AFF3: variants seen among roughly 807,000 people sequenced by gnomAD.
AFF3 encodes the protein ALF transcription elongation factor 3, also known as AF4/FMR2 family member 3.
AFF3 carries 32 observed loss-of-function variants against 129.7 expected under a neutral mutation model. The observed-to-expected ratio is 0.25, with a 90% confidence interval of 0.19 to 0.33. The LOEUF (loss-of-function observed/expected upper bound fraction) is 0.33. Among genes scored for constraint, AFF3 ranks in the 10% least tolerant of loss-of-function variants. The pLI is 1.00. For synonymous variants in AFF3, 644 were observed against 635.4 expected (o/e 1.01, Z -0.20); for missense variants, 1,373 against 1,592.0 (o/e 0.86, Z 2.34).
intron 7 of AFF3, among the ~76,000 whole-genome samples, chr2:99,948,882 G>C (rs1675890919): frequency 6.6e-6 from 1 of 152,216 alleles, no homozygotes; most frequent in Admixed American, 6.5e-5. Context: ...GGAAAGAAAT[G>C]CGTGAAAACC....
intron 4 of AFF3, among the ~76,000 whole-genome samples, chr2:100,054,860 T>C (rs1686636218): frequency 6.6e-6 from 1 of 152,146 alleles, no homozygotes; most frequent in Non-Finnish European, 1.5e-5. Flanking sequence ...CTAAGGGCAG[T>C]GGAGGTCAGC....
intron 8 of AFF3, among the ~76,000 whole-genome samples, chr2:99,761,736 T>C (rs1217269234): frequency 6.6e-6 from 1 of 152,206 alleles, no homozygotes; most frequent in Non-Finnish European, 1.5e-5. Flanking sequence ...TTAAAACAAG[T>C]GAGGAGAAAA....
chr2:99,869,558 A>T (rs1691707641), intron 7 of AFF3, among the ~76,000 whole-genome samples: 1 of 152,178 alleles, frequency 6.6e-6, no homozygotes, highest in Non-Finnish European at 1.5e-5. Flanking sequence ...CAGGACTTTG[A>T]CTGATAAGTA....
intron 10 of AFF3, among the ~76,000 whole-genome samples, chr2:99,732,569 G>C (rs1210966266): frequency 1.3e-5 from 2 of 152,108 alleles, no homozygotes; most frequent in African/African-American, 4.8e-5. Flanking sequence ...CATCCTGCAT[G>C]TAGCTACAGT....
At chr2:99,707,277 T>G (rs1447402537) in intron 11 of AFF3, 1 of 985,272 alleles carries the variant, frequency 1.0e-6, no homozygotes, top group Non-Finnish European at 1.2e-6. Flanking sequence ...AGAGCCTTCT[T>G]GCTTTTAGTA....
intron 12 of AFF3, among the ~76,000 whole-genome samples, chr2:99,662,407 A>G (rs148700175): frequency 6.6e-6 from 1 of 152,284 alleles, no homozygotes; most frequent in African/African-American, 2.4e-5. Flanking sequence ...AAAAAGAAAA[A>G]CGAACATACA....
intron 7 of AFF3, among the ~76,000 whole-genome samples, chr2:99,913,371 C>T (rs975297906): frequency 7.9e-5 from 12 of 152,058 alleles, no homozygotes; most frequent in Middle Eastern, 3.4e-3. Flanking sequence ...AATGCAGAAG[C>T]GGGAACACTA....
intron 7 of AFF3, among the ~76,000 whole-genome samples, chr2:99,966,057 T>C (rs1020689877): frequency 3.3e-5 from 5 of 152,190 alleles, no homozygotes; most frequent in Non-Finnish European, 5.9e-5. Flanking sequence ...ATTATTACAA[T>C]AGACAATGAA....
At chr2:100,023,125 C>A (rs1683735414) in intron 4 of AFF3, among the ~76,000 whole-genome samples, 1 of 152,224 alleles carries the variant, frequency 6.6e-6, no homozygotes, top group South Asian at 2.1e-4. Context: ...CCCTGGCTCC[C>A]CGTAAGCACT....
At chr2:99,702,012 G>A (rs1205388200) in intron 11 of AFF3, among the ~76,000 whole-genome samples, 1 of 152,212 alleles carries the variant, frequency 6.6e-6, no homozygotes, top group Non-Finnish European at 1.5e-5. Context: ...TTTTATTGCT[G>A]GGTAGCATTC....
intron 7 of AFF3, among the ~76,000 whole-genome samples, chr2:99,952,806 T>C (rs1225083080): frequency 6.6e-6 from 1 of 152,198 alleles, no homozygotes; most frequent in Non-Finnish European, 1.5e-5. Flanking sequence ...TGCACCCTCC[T>C]GGTCAGGAAT....
intron 7 of AFF3, among the ~76,000 whole-genome samples, chr2:99,988,449 T>C (rs1003039210): frequency 6.6e-6 from 1 of 152,112 alleles, no homozygotes; most frequent in Admixed American, 6.6e-5. Flanking sequence ...GCTGGAGGGG[T>C]GAGGTGATGT....
chr2:99,579,379 T>C (rs567171913), intron 17 of AFF3, among the ~76,000 whole-genome samples: 1 of 145,700 alleles, frequency 6.9e-6, no homozygotes, highest in Admixed American at 7.2e-5. Context: ...CACTCCAGCC[T>C]GGGCAACAAG....
At chr2:99,928,125 C>T (rs1354678473) in intron 7 of AFF3, among the ~76,000 whole-genome samples, 1 of 152,174 alleles carries the variant, frequency 6.6e-6, no homozygotes, top group Non-Finnish European at 1.5e-5. Flanking sequence ...TCCAATTAAA[C>T]CTCTTTCGTT....
At chr2:100,072,431 C>G (rs1181164271) in intron 4 of AFF3, among the ~76,000 whole-genome samples, 1 of 152,150 alleles carries the variant, frequency 6.6e-6, no homozygotes, top group Non-Finnish European at 1.5e-5. Context: ...GTCCCTGGTG[C>G]CAAAAAGGTT....
At chr2:99,867,048 C>T (rs975583644) in intron 7 of AFF3, among the ~76,000 whole-genome samples, 1 of 150,324 alleles carries the variant, frequency 6.7e-6, no homozygotes, top group Non-Finnish European at 1.5e-5. Flanking sequence ...CAAGCACTGG[C>T]ATTTTCAGTT....
rs77647906 is a variant in AFF3 at position 100,063,693 on chromosome 2, T to C, written c.53+40709A>G. 9.4e-3 allele frequency among the ~76,000 whole-genome samples: 1,431 copies of C among 151,718 alleles called. 48 individuals are homozygous for C. Among genetic ancestry groups the C allele is most frequent in the South Asian group, 0.091 (435 of 4,784 alleles). ...TCATCGGAGACCTAGAAGAAAAGAA[T>C]AGAAAGGAAGGAGGAAAGGGAATAT... On this transcript the variant is annotated intron_variant, in intron 4 of 24. Coordinates refer to ENST00000672756, the MANE Select transcript of AFF3 (RefSeq NM_001386135.1).
chr2:100,047,053 C>T (rs1685896709), intron 4 of AFF3, among the ~76,000 whole-genome samples: 2 of 151,946 alleles, frequency 1.3e-5, no homozygotes, highest in South Asian at 4.1e-4. Context: ...AGCCACTAAC[C>T]ACATATGGCA....
chr2:99,760,337 T>A (rs1222996343), intron 8 of AFF3, among the ~76,000 whole-genome samples: 1 of 152,250 alleles, frequency 6.6e-6, no homozygotes, highest in African/African-American at 2.4e-5. Context: ...TTCCTAAGTA[T>A]GATCTGTACT....
Sources: gnomAD v4.1 joint callset for allele counts (sites outside exome capture counted in the v4.1 genomes callset) on GRCh38, gnomAD v4.1.1 for gene constraint, MANE v1.5 for transcripts, NCBI Gene and HGNC (gene_info 2026-07-23, HGNC 2026-07-21) for gene names.